GRIK3: variants seen among roughly 807,000 people sequenced by gnomAD.
GRIK3 encodes glutamate ionotropic receptor kainate type subunit 3.
GRIK3 carries 29 observed loss-of-function variants against 102.5 expected under a neutral mutation model. The ratio of observed to expected loss-of-function variants is 0.28; its 90% CI spans 0.21 to 0.39. GRIK3 has a LOEUF of 0.39. GRIK3 is among the 10% of genes least tolerant of loss of function. The probability of loss-of-function intolerance (pLI) is 1.00; values close to 1 mark genes in which losing one functional copy is unlikely to be tolerated. For synonymous variants in GRIK3, 511 were observed against 504.9 expected, an observed-to-expected ratio of 1.01 and a Z score of -0.16; for missense variants, 908 against 1,252.4, an observed-to-expected ratio of 0.73 and a Z score of 4.15.
In GRIK3 at chr1:36,916,634, G is replaced by A. The variant is rs191956486; in HGVS notation, c.116-25538C>T. ...ACTAAAAGGGGACAAGTTACACCTC[G>A]GGCTGTTGCTTCAACGGGTGGAAGC... On this transcript the variant is annotated intron_variant, in intron 1 of 15. Transcript: ENST00000373091. 2.2e-3 allele frequency among the ~76,000 whole-genome samples: 340 copies of A among 152,220 alleles called. 1 individual carries two copies. The highest frequency in any genetic ancestry group is 3.4e-3 in the Middle Eastern group (1 of 294).
chr1:36,806,698 C>T lies in GRIK3; in HGVS notation c.2092-372G>A, dbSNP rs1486414751. Among the ~76,000 whole-genome samples, 3 of 152,298 alleles carry T rather than the reference C, an allele frequency of 2.0e-5. No individual in the cohort carries two copies. The highest frequency in any genetic ancestry group is 6.5e-5 in the Admixed American group (1 of 15,300). On this transcript the variant is annotated intron_variant, in intron 13 of 15. Transcript: ENST00000373091. This position sits in a 1 kb window ranked among gnomAD's most constrained non-coding sequence, Gnocchi z 4.0. ...GCATTAACTCGTTGATTCTTCACAGCGCTCACAGGAGGCAGGCACCATCAC... is the reference window on the plus strand; with the variant it reads ...GCATTAACTCGTTGATTCTTCACAGTGCTCACAGGAGGCAGGCACCATCAC...
chr1:36,884,978 A>T (rs1044560627), intron 2 of GRIK3, among the ~76,000 whole-genome samples: 2 of 152,230 alleles, frequency 1.3e-5, no homozygotes, highest in African/African-American at 4.8e-5. Context: ...GAGGATTGTA[A>T]GAGTGTTCTT....
At chr1:36,986,465 C>CAT (rs1557452942) in intron 1 of GRIK3, among the ~76,000 whole-genome samples, 212 of 115,138 alleles carry the variant, frequency 1.8e-3, no homozygotes, top group Admixed American at 4.9e-3. Flanking sequence ...CATCCATCAG[C>CAT]CCATCCATCC....
At chr1:36,882,512 T>C (rs746585621) in intron 2 of GRIK3, among the ~76,000 whole-genome samples, 16 of 152,156 alleles carry the variant, frequency 1.1e-4, no homozygotes, top group Non-Finnish European at 2.1e-4. Flanking sequence ...TTCTCAACTG[T>C]CTCTAATTTT....
intron 1 of GRIK3, among the ~76,000 whole-genome samples, chr1:36,985,798 C>A (rs373383812): frequency 7.7e-4 from 117 of 152,322 alleles, no homozygotes; most frequent in African/African-American, 2.5e-3. Context: ...AGAACTCCTG[C>A]CACAGAGTTG....
At chr1:37,010,556 A>G (rs1281783798) in intron 1 of GRIK3, among the ~76,000 whole-genome samples, 1 of 152,082 alleles carries the variant, frequency 6.6e-6, no homozygotes, top group Non-Finnish European at 1.5e-5. Context: ...GGTGCTATTC[A>G]TAATTACACA....
intron 1 of GRIK3, among the ~76,000 whole-genome samples, chr1:37,015,272 C>T (rs760237427): frequency 3.5e-4 from 53 of 152,182 alleles, no homozygotes; most frequent in Middle Eastern, 3.2e-3. Flanking sequence ...GGATAACTCA[C>T]ACACCCAAAG....
At chr1:36,941,410 T>A (rs960183604) in intron 1 of GRIK3, among the ~76,000 whole-genome samples, 7 of 152,180 alleles carry the variant, frequency 4.6e-5, no homozygotes, top group African/African-American at 1.7e-4. Flanking sequence ...ATTACGATGA[T>A]TGATGGAATG....
Position 36,819,752 on chromosome 1 carries a change from T to G in GRIK3, c.1857A>C (p.Gly619=), listed in dbSNP as rs759069823. 1.1e-5 allele frequency: 17 copies of G among 1,571,728 alleles called. No individual in the cohort carries two copies. Among genetic ancestry groups the G allele is most frequent in the South Asian group, 1.0e-4 (9 of 90,002 alleles). Residue 619 remains glycine (G), a synonymous_variant, in exon 12 of 16, where the codon GGA becomes GGC. Transcript: ENST00000373091. The surrounding 1 kb of genome is among the most constrained non-coding windows in gnomAD (Gnocchi z 4.1). ...GGTGCATACCTTGCTGCATCAGGGATCCCATTCCAAACCAGAAGCTGTTAA... is the reference window on the plus strand; with the variant it reads ...GGTGCATACCTTGCTGCATCAGGGAGCCCATTCCAAACCAGAAGCTGTTAA... The part of the protein sequence containing the change: ...TLLNSFWFGM[G]SLMQQGSELM...
At chr1:36,901,876 T>C (rs1641234933) in intron 1 of GRIK3, among the ~76,000 whole-genome samples, 1 of 152,208 alleles carries the variant, frequency 6.6e-6, no homozygotes, top group Admixed American at 6.5e-5. Context: ...TAAGCAATTA[T>C]AGAAAGGTGG....
chr1:36,955,781 C>T (rs1397178189), intron 1 of GRIK3, among the ~76,000 whole-genome samples: 5 of 152,250 alleles, frequency 3.3e-5, no homozygotes, highest in Admixed American at 6.5e-5. Context: ...CACACATTCA[C>T]GCAAGTGCTC....
intron 1 of GRIK3, among the ~76,000 whole-genome samples, chr1:36,946,212 T>C (rs56107804): frequency 0.041 from 6,311 of 152,336 alleles, 442 homozygotes; most frequent in African/African-American, 0.14. Context: ...CCCTGACACC[T>C]GGAGCCTGGG....
At chr1:37,023,763 C>T in intron 1 of GRIK3, among the ~76,000 whole-genome samples, 1 of 152,320 alleles carries the variant, frequency 6.6e-6, no homozygotes, top group East Asian at 1.9e-4. Context: ...CCAACCCCAA[C>T]CATACTATAG....
At position 36,800,000 on chromosome 1, in the gene GRIK3, T is replaced by C. The variant is rs1642423110; in HGVS notation, c.*1851A>G. The C allele has an allele frequency of 6.6e-6, 1 of 152,176 alleles. No individual in the cohort carries two copies. The highest frequency in any genetic ancestry group is 2.4e-5 in the African/African-American group (1 of 41,426). The allele number at this position is 152,176 out of a possible 1,614,324, so 9.4% of individuals were successfully genotyped here. The stretch of plus-strand genomic sequence containing the variant: ...GGCTTTGGTGTATGTCTAGCCCTCC[T>C]CTCCCTCGTCCAATGTACATAGCCA... On this transcript the variant is annotated 3_prime_UTR_variant, in exon 16 of 16. Transcript: ENST00000373091.
chr1:37,023,902 A>G (rs1391593005), intron 1 of GRIK3, among the ~76,000 whole-genome samples: 1 of 152,268 alleles, frequency 6.6e-6, no homozygotes, highest in Non-Finnish European at 1.5e-5. Context: ...AGAAACAATG[A>G]GTAAGAATAA....
intron 1 of GRIK3, among the ~76,000 whole-genome samples, chr1:36,964,071 G>C (rs1366158735): frequency 6.6e-6 from 1 of 152,246 alleles, no homozygotes; most frequent in African/African-American, 2.4e-5. Context: ...AATGCATGCA[G>C]AGGCAGGAGG....
At chr1:36,934,566 C>G (rs183920510) in intron 1 of GRIK3, among the ~76,000 whole-genome samples, 26 of 152,298 alleles carry the variant, frequency 1.7e-4, no homozygotes, top group African/African-American at 5.8e-4. Flanking sequence ...TTCAGATAAG[C>G]CTTTCCCGAC....
intron 5 of GRIK3, among the ~76,000 whole-genome samples, chr1:36,869,342 A>G (rs137881621): frequency 1.6e-4 from 24 of 152,250 alleles, no homozygotes; most frequent in South Asian, 1.0e-3. Context: ...GGGCCATGAT[A>G]ATCATAATAG....
intron 1 of GRIK3, among the ~76,000 whole-genome samples, chr1:36,916,048 T>C (rs377437443): frequency 1.1e-4 from 17 of 152,310 alleles, no homozygotes; most frequent in African/African-American, 4.1e-4. Context: ...TCAACCAAAA[T>C]GCTGATAATG....
Sources: allele counts gnomAD v4.1 joint callset (sites outside exome capture counted in the v4.1 genomes callset), GRCh38; gene constraint gnomAD v4.1.1; non-coding constraint Gnocchi (gnomAD v3.1); transcripts MANE v1.5; gene names NCBI Gene and HGNC (gene_info 2026-07-23, HGNC 2026-07-21).